The following SLC44A5 variants were observed in gnomAD, a reference collection of about 807,000 sequenced individuals.
SLC44A5 encodes choline transporter-like protein 5.
In SLC44A5, 57 loss-of-function variants were observed where a neutral mutation model predicts 101.8. The observed-to-expected ratio is 0.56, with a 90% CI of 0.45 to 0.70. The LOEUF (loss-of-function observed/expected upper bound fraction) is 0.70. Ranked by LOEUF, SLC44A5 falls within the 30% of genes least tolerant of loss-of-function variation. The pLI is 0.00. For synonymous variants in SLC44A5, 281 were observed against 290.9 expected (o/e 0.97, Z 0.35); for missense variants, 737 against 853.1 (o/e 0.86, Z 1.70).
chr1:75,316,306 G>T (rs1286911670), intron 4 of SLC44A5, among the ~76,000 whole-genome samples: 1 of 152,024 alleles, frequency 6.6e-6, no homozygotes, highest in African/African-American at 2.4e-5. Flanking sequence ...ATTTCATATG[G>T]CTCAACTAAT....
chr1:75,217,143 G>A (rs1186482637), intron 18 of SLC44A5, among the ~76,000 whole-genome samples: 1 of 151,946 alleles, frequency 6.6e-6, no homozygotes, highest in African/African-American at 2.4e-5. Flanking sequence ...TGTAAGATAA[G>A]GTTGAACTTC....
intron 2 of SLC44A5, among the ~76,000 whole-genome samples, chr1:75,441,460 C>A (rs1372968675): frequency 4.0e-5 from 6 of 149,626 alleles, no homozygotes; most frequent in Admixed American, 6.7e-5. Flanking sequence ...TTTAGCCACA[C>A]TCAAAATAAA....
the SLC44A5 span, among the ~76,000 whole-genome samples, chr1:75,647,161 C>A: frequency 1.3e-5 from 2 of 152,164 alleles, no homozygotes; most frequent in African/African-American, 2.4e-5. Context: ...ACTTGGTGCC[C>A]TGCATCTCAG....
At chr1:75,240,410 G>T (rs764372574) in intron 9 of SLC44A5, among the ~76,000 whole-genome samples, 3 of 152,076 alleles carry the variant, frequency 2.0e-5, no homozygotes, top group Non-Finnish European at 4.4e-5. Context: ...GACTGTGAGG[G>T]ACTACGCCTT....
chr1:75,317,823 A>T (rs1655810694), intron 4 of SLC44A5, among the ~76,000 whole-genome samples: 1 of 152,088 alleles, frequency 6.6e-6, no homozygotes, highest in African/African-American at 2.4e-5. Context: ...AAGGTCACTA[A>T]TCCCATCAGT....
intron 4 of SLC44A5, among the ~76,000 whole-genome samples, chr1:75,303,501 TGGG>T (rs1346004446): frequency 6.6e-6 from 1 of 152,238 alleles, no homozygotes; most frequent in Non-Finnish European, 1.5e-5. Context: ...CCCAAAATGC[TGGG>T]ATTACGGGCG....
At chr1:75,525,800 A>C (rs1466650172) in intron 2 of SLC44A5, among the ~76,000 whole-genome samples, 1 of 152,220 alleles carries the variant, frequency 6.6e-6, no homozygotes. Flanking sequence ...TTATGTCTGC[A>C]ACATATTTTC....
At chr1:75,371,150 A>G (rs1660196646) in intron 3 of SLC44A5, among the ~76,000 whole-genome samples, 1 of 152,352 alleles carries the variant, frequency 6.6e-6, no homozygotes, top group Non-Finnish European at 1.5e-5. Flanking sequence ...ACGTGCAGCA[A>G]GGATGTGTCA....
At chr1:75,523,129 C>T (rs1670229180) in intron 2 of SLC44A5, among the ~76,000 whole-genome samples, 1 of 152,078 alleles carries the variant, frequency 6.6e-6, no homozygotes, top group South Asian at 2.1e-4. Flanking sequence ...ATGGTAGTTC[C>T]CAAATGATTG....
chr1:75,444,619 A>G (rs149350057), intron 2 of SLC44A5, among the ~76,000 whole-genome samples: 6 of 151,866 alleles, frequency 4.0e-5, no homozygotes, highest in African/African-American at 1.4e-4. Context: ...GCATATTTGT[A>G]TGCTAATAGA....
chr1:75,721,156 C>T, the SLC44A5 span, among the ~76,000 whole-genome samples: 2 of 152,152 alleles, frequency 1.3e-5, no homozygotes, highest in African/African-American at 4.8e-5. Flanking sequence ...TGTCCAACCC[C>T]CACTTCCCAT....
chr1:75,521,217 A>G (rs1670102241), intron 2 of SLC44A5, among the ~76,000 whole-genome samples: 1 of 152,222 alleles, frequency 6.6e-6, no homozygotes, highest in African/African-American at 2.4e-5. Flanking sequence ...AGTCAACCAC[A>G]TGATCATACT....
At chr1:75,220,105 A>G (rs1414371630) in intron 14 of SLC44A5, among the ~76,000 whole-genome samples, 1 of 152,144 alleles carries the variant, frequency 6.6e-6, no homozygotes, top group African/African-American at 2.4e-5. Flanking sequence ...ACTCCTGCCT[A>G]AAGTCCCTCA....
chr1:75,483,376 C>T (rs1164796392), intron 2 of SLC44A5, among the ~76,000 whole-genome samples: 3 of 152,040 alleles, frequency 2.0e-5, no homozygotes, highest in Admixed American at 2.0e-4. Flanking sequence ...TCCCTAAAGC[C>T]ACAAATAGTC....
the SLC44A5 span, among the ~76,000 whole-genome samples, chr1:75,707,819 AAATTGATT>A: frequency 3.0e-4 from 46 of 152,320 alleles, no homozygotes; most frequent in Middle Eastern, 6.8e-3. Context: ...AAATTTGGAT[AAATTGATT>A]AATACAGTAA....
At chr1:75,235,986 G>A (rs1648044005) in intron 11 of SLC44A5, among the ~76,000 whole-genome samples, 1 of 151,954 alleles carries the variant, frequency 6.6e-6, no homozygotes, top group Non-Finnish European at 1.5e-5. Flanking sequence ...ATGGGTATGA[G>A]GAACACATAA....
At chr1:75,619,075 A>T in the SLC44A5 span, among the ~76,000 whole-genome samples, 2 of 17,364 alleles carry the variant, frequency 1.2e-4, no homozygotes, top group South Asian at 4.5e-3. Context: ...TGTCTCAAAA[A>T]AAAAGGGGGG....
At chr1:75,454,211 G>T (rs1010438814) in intron 2 of SLC44A5, among the ~76,000 whole-genome samples, 4 of 151,972 alleles carry the variant, frequency 2.6e-5, no homozygotes, top group Non-Finnish European at 5.9e-5. Flanking sequence ...ATGATCAAGT[G>T]GGCTTCATTT....
In SLC44A5 at chr1:75,288,185, C is replaced by T. The variant is rs531213182; in HGVS notation, c.175+12427G>A. 2.6e-5 allele frequency among the ~76,000 whole-genome samples: 4 copies of T among 152,182 alleles called. No individual in the cohort carries two copies. The South Asian group carries it at 8.3e-4, about 32-fold the overall frequency. ...TTAAATATTCATAATAATTAGGAAA[C>T]ATCTTTTCTATTTAATTTATTATGT... On this transcript the variant is annotated intron_variant, in intron 5 of 23. Coordinates refer to ENST00000370859, the MANE Select transcript of SLC44A5 (RefSeq NM_001130058.2).
Sources: gnomAD v4.1 joint callset for allele counts (sites outside exome capture counted in the v4.1 genomes callset) on GRCh38, gnomAD v4.1.1 for gene constraint, MANE v1.5 for transcripts, NCBI Gene and HGNC (gene_info 2026-07-23, HGNC 2026-07-21) for gene names.